TRAF3: variants seen among roughly 807,000 people sequenced by gnomAD.
TRAF3 encodes TNF receptor associated factor 3.
TRAF3 carries 13 observed loss-of-function variants against 62.3 expected under a neutral mutation model. The ratio of observed to expected loss-of-function variants is 0.21; its 90% CI spans 0.14 to 0.33. TRAF3 has a LOEUF of 0.33. Among genes scored for constraint, TRAF3 ranks in the 10% least tolerant of loss-of-function variants. The pLI is 1.00. For synonymous variants in TRAF3, 269 were observed against 283.4 expected, an observed-to-expected ratio of 0.95 and a Z score of 0.51; for missense variants, 440 against 741.8, an observed-to-expected ratio of 0.59 and a Z score of 4.73.
chr14:102,811,912 C>CGTTTTTTTTTTTTTTTTTTTT (rs1899193346), intron 1 of TRAF3, among the ~76,000 whole-genome samples: 1 of 32,668 alleles, frequency 3.1e-5, no homozygotes, highest in Admixed American at 3.2e-4. Context: ...CATGCCTGGC[C>CGTTTTTTTTTTTTTTTTTTTT]CTTTTTTTTT....
rs1321368098 is a variant in TRAF3 at position 102,906,675 on chromosome 14, C to A, written c.*891C>A. ...ACCCTAAAATAGGGCATCCGTTGAA[C>A]TTTGGAGTTCTAAACAAAATCCTGT... On this transcript the variant is annotated 3_prime_UTR_variant, in exon 12 of 12. Coordinates refer to ENST00000392745, the MANE Select transcript of TRAF3 (RefSeq NM_145725.3). 1 of 152,222 alleles carries A rather than the reference C, an allele frequency of 6.6e-6. No individual in the cohort carries two copies. The highest frequency in any genetic ancestry group is 1.5e-5 in the Non-Finnish European group (1 of 68,044). 9.4% of individuals were successfully genotyped at this position (152,222 alleles called of 1,614,324 possible). A position where few individuals can be genotyped will look rare whatever the true frequency, so the allele number is the denominator to read the frequency against.
At chr14:102,839,894 T>G (rs539109726) in intron 2 of TRAF3, among the ~76,000 whole-genome samples, 2 of 152,332 alleles carry the variant, frequency 1.3e-5, no homozygotes, top group East Asian at 3.9e-4. Flanking sequence ...GCATAATGTT[T>G]CACATCGAAG....
intron 2 of TRAF3, among the ~76,000 whole-genome samples, chr14:102,859,790 G>A (rs527653983): frequency 1.3e-5 from 2 of 152,208 alleles, no homozygotes; most frequent in Non-Finnish European, 2.9e-5. Flanking sequence ...TGTAGTAGTT[G>A]TAAGGTTTTT....
Position 102,871,833 on chromosome 14 carries a change from A to G in TRAF3, c.246-84A>G, listed in dbSNP as rs535377451. 1.7e-4 allele frequency: 231 copies of G among 1,345,546 alleles called. No individual in the cohort carries two copies. In the African/African-American group the frequency reaches 3.0e-3, roughly 17 times the overall value. The allele number at this position is 1,345,546 out of a possible 1,614,324, so 83.4% of individuals were successfully genotyped here. On this transcript the variant is annotated intron_variant, in intron 3 of 11. Transcript: ENST00000392745. ...TGTGAGCCACTGTGCAGACCTGACC[A>G]TAAAGTGAATGCTCCCAGAATCTCC...
At chr14:102,874,902 C>T (rs1888559725) in intron 4 of TRAF3, among the ~76,000 whole-genome samples, 2 of 152,218 alleles carry the variant, frequency 1.3e-5, no homozygotes, top group African/African-American at 2.4e-5. Flanking sequence ...AGCAATCCTC[C>T]TGCCTCGGTT....
intron 1 of TRAF3, among the ~76,000 whole-genome samples, chr14:102,802,116 T>C (rs1366351903): frequency 2.0e-5 from 3 of 148,944 alleles, no homozygotes; most frequent in Non-Finnish European, 4.4e-5. Context: ...CCTCCCAAAG[T>C]GCTGGGATTG....
intron 2 of TRAF3, among the ~76,000 whole-genome samples, chr14:102,832,906 C>G (rs1885735649): frequency 6.6e-6 from 1 of 152,090 alleles, no homozygotes; most frequent in Admixed American, 6.6e-5. Context: ...ATTTTTCTTA[C>G]TGCATTTACC....
chr14:102,792,140 T>TA (rs1555365627), intron 1 of TRAF3, among the ~76,000 whole-genome samples: 2,212 of 140,328 alleles, frequency 0.016, 73 homozygotes, highest in South Asian at 0.037. Flanking sequence ...TTTTTTTTTT[T>TA]ATCAGACCAG....
At chr14:102,873,345 A>G (rs1037823337) in intron 4 of TRAF3, among the ~76,000 whole-genome samples, 2 of 152,074 alleles carry the variant, frequency 1.3e-5, no homozygotes, top group Non-Finnish European at 2.9e-5. Flanking sequence ...TTGAGTGAAA[A>G]CAGCCCCTCC....
At position 102,781,792 on chromosome 14, in the gene TRAF3, AT is replaced by A. The variant is rs916288245; in HGVS notation, c.-157+4135del. ...CAGGCGCCTGCCACCACGCTTGGCT[AT>A]TTTTTTTTTTTTTTTTTGAGACAGA... On this transcript the variant is annotated intron_variant, in intron 1 of 11. Transcript: ENST00000392745. Among the ~76,000 whole-genome samples the A allele has an allele frequency of 9.7e-3, 1,075 of 111,236 alleles. 3 individuals carry two copies. The highest frequency in any genetic ancestry group is 0.013 in the African/African-American group (372 of 28,980). 73.0% of individuals were successfully genotyped at this position (111,236 alleles called of 152,430 possible).
chr14:102,809,224 G>C (rs1201553781), intron 1 of TRAF3: 1 of 152,296 alleles, frequency 6.6e-6, no homozygotes, highest in Non-Finnish European at 1.5e-5. Flanking sequence ...CTGACCTCGT[G>C]ATCTGCCTGC....
At chr14:102,870,583 C>G in intron 3 of TRAF3, 137 bp downstream of exon 3, 1 of 1,222,442 alleles carries the variant, frequency 8.2e-7, no homozygotes, top group Non-Finnish European at 1.1e-6. Flanking sequence ...CCGGGCCCAG[C>G]TTGTGAATCC....
chr14:102,819,856 G>A (rs1458061548), intron 1 of TRAF3, among the ~76,000 whole-genome samples: 1 of 152,238 alleles, frequency 6.6e-6, no homozygotes, highest in African/African-American at 2.4e-5. Context: ...CTTCACATCA[G>A]ATCAGGGCAT....
rs1428754480 is a variant in TRAF3 at position 102,908,294 on chromosome 14, C to T, written c.*2510C>T. 6.6e-6 allele frequency: 1 copy of T among 152,432 alleles called. No individual in the cohort carries two copies. The highest frequency in any genetic ancestry group is 1.5e-5 in the Non-Finnish European group (1 of 68,196). The allele number at this position is 152,432 out of a possible 1,614,324, so 9.4% of individuals were successfully genotyped here. A position where few individuals can be genotyped will look rare whatever the true frequency, so the allele number is the denominator to read the frequency against. On this transcript the variant is annotated 3_prime_UTR_variant, in exon 12 of 12. Coordinates refer to ENST00000392745, the MANE Select transcript of TRAF3 (RefSeq NM_145725.3). ...AGGATGGGATGGCCTATGTCACACA[C>T]TTTGTCCTTGAACCTGAGTGATGGG...
In TRAF3 at chr14:102,818,344, C is replaced by G. The variant is rs528568821; in HGVS notation, c.-156-11990C>G. Among the ~76,000 whole-genome samples the G allele has an allele frequency of 9.9e-5, 15 of 152,238 alleles. 1 individual carries two copies. The East Asian group carries it at 2.9e-3, about 29-fold the overall frequency. On this transcript the variant is annotated intron_variant, in intron 1 of 11. Coordinates refer to ENST00000392745, the MANE Select transcript of TRAF3 (RefSeq NM_145725.3). ...TTTAGTATGATTAACCCTCCCACCC[C>G]CATTAAAGTTCTTCAGCCTTCTTAG...
chr14:102,809,747 G>A (rs922440253), intron 1 of TRAF3, among the ~76,000 whole-genome samples: 32 of 150,762 alleles, frequency 2.1e-4, no homozygotes, highest in African/African-American at 7.3e-4. Flanking sequence ...AGCCAGGATG[G>A]TCTCAATCTC....
At chr14:102,831,650 C>T (rs1329130731) in intron 2 of TRAF3, among the ~76,000 whole-genome samples, 1 of 152,174 alleles carries the variant, frequency 6.6e-6, no homozygotes, top group Non-Finnish European at 1.5e-5. Context: ...CCTTCTGTCT[C>T]CCAGCCCCAG....
chr14:102,820,270 T>G (rs2139571117), intron 1 of TRAF3, among the ~76,000 whole-genome samples: 1 of 152,128 alleles, frequency 6.6e-6, no homozygotes, highest in African/African-American at 2.4e-5. Context: ...GATCCTGCCC[T>G]TGGGTCTGGC....
intron 1 of TRAF3, among the ~76,000 whole-genome samples, chr14:102,800,917 A>G (rs1009352530): frequency 2.0e-5 from 3 of 151,912 alleles, no homozygotes; most frequent in East Asian, 1.9e-4. Context: ...GGTGGCTCAC[A>G]CCTGTAATCC....
Sources: allele counts gnomAD v4.1 joint callset (sites outside exome capture counted in the v4.1 genomes callset), GRCh38; gene constraint gnomAD v4.1.1; transcripts MANE v1.5; gene names NCBI Gene and HGNC (gene_info 2026-07-23, HGNC 2026-07-21).